The following SYNJ2 variants were observed in gnomAD, a reference collection of about 807,000 sequenced individuals.
The protein encoded by SYNJ2 is synaptojanin 2, also known as polyphosphatidylinositol phosphatase SYNJ2.
SYNJ2 carries 116 observed loss-of-function variants against 141.3 expected under a neutral mutation model. The observed-to-expected ratio is 0.82, with a 90% CI of 0.71 to 0.96. The LOEUF is 0.96. Ranked by LOEUF, SYNJ2 falls within the 40% of genes least tolerant of loss-of-function variation. The pLI is 0.00. For synonymous variants in SYNJ2, 745 were observed against 777.7 expected, an observed-to-expected ratio of 0.96 and a Z score of 0.70; for missense variants, 1,873 against 1,934.8, an observed-to-expected ratio of 0.97 and a Z score of 0.60.
At chr6:158,078,552 C>T (rs6455993) in intron 18 of SYNJ2, 133,556 of 257,880 alleles carry the variant, frequency 0.52, 35,348 homozygotes, top group African/African-American at 0.64. Flanking sequence ...ACGTATTTTG[C>T]GGCTTTTATA....
rs116410227 is a variant in SYNJ2, at chr6:157,988,415, A to G, written c.127+6327A>G. On this transcript the variant is annotated intron_variant, in intron 1 of 26. Coordinates refer to ENST00000355585, the MANE Select transcript of SYNJ2 (RefSeq NM_003898.4). ...AGAACCTATTTTATTTAACTGTTTT[A>G]CTTTGTTAGCTTGATTTAAAACTGA... Among the ~76,000 whole-genome samples the G allele has an allele frequency of 2.2e-3, 335 of 152,140 alleles. 1 individual carries two copies. The highest frequency in any genetic ancestry group is 7.5e-3 in the African/African-American group (311 of 41,506).
rs1478136022 is a variant in SYNJ2, at chr6:158,040,431, C to G, written c.712-2885C>G. Among the ~76,000 whole-genome samples the G allele has an allele frequency of 6.6e-6, 1 of 151,536 alleles. No individual in the cohort carries two copies. Among genetic ancestry groups the G allele is most frequent in the African/African-American group, 2.4e-5 (1 of 41,186 alleles). ...GCATCTCAGCCTCCTTGGGAGGAAG[C>G]CTTGAGTCTTTTTGGCTCTGCTGAG... On this transcript the variant is annotated intron_variant, in intron 4 of 26. Transcript: ENST00000355585. The surrounding 1 kb of genome is among the most constrained non-coding windows in gnomAD (Gnocchi z 4.2).
chr6:158,006,533 C>G (rs1441563011), intron 1 of SYNJ2, among the ~76,000 whole-genome samples: 1 of 152,210 alleles, frequency 6.6e-6, no homozygotes, highest in Non-Finnish European at 1.5e-5. Flanking sequence ...TCTTCTTGGT[C>G]ACTTCTCAGT....
At chr6:158,078,634 A>G (rs1294286002) in intron 18 of SYNJ2, 1 of 197,976 alleles carries the variant, frequency 5.1e-6, no homozygotes, top group Non-Finnish European at 1.0e-5. Flanking sequence ...TGTTGATGTT[A>G]TAGCTCTGGT....
At chr6:158,016,948 G>T in intron 1 of SYNJ2, 2 of 1,171,392 alleles carry the variant, frequency 1.7e-6, no homozygotes, top group Non-Finnish European at 2.1e-6. Context: ...AGAACCCCAG[G>T]ACCCCAGCTC....
chr6:158,096,684 A>C lies in SYNJ2; in HGVS notation c.*320A>C. The C allele has an allele frequency of 4.6e-6, 1 of 219,414 alleles. No homozygotes were observed. The highest frequency in any genetic ancestry group is 1.1e-4 in the South Asian group (1 of 9,396). 13.6% of individuals were successfully genotyped at this position (219,414 alleles called of 1,614,324 possible). On this transcript the variant is annotated 3_prime_UTR_variant, in exon 27 of 27. Transcript: ENST00000355585. ...AGAAGTTCTCACCCATTGAATTTTT[A>C]AATGGCTGTTCAGTTCATGTTGTAC...
intron 1 of SYNJ2, among the ~76,000 whole-genome samples, chr6:157,984,963 A>G (rs1777146107): frequency 6.6e-6 from 1 of 152,148 alleles, no homozygotes; most frequent in African/African-American, 2.4e-5. Context: ...GAGTCATTCT[A>G]ACTTCCATCC....
intron 25 of SYNJ2, among the ~76,000 whole-genome samples, chr6:158,092,068 G>A (rs531710348): frequency 6.6e-6 from 1 of 151,826 alleles, no homozygotes; most frequent in African/African-American, 2.4e-5. Flanking sequence ...CACTTAGAAA[G>A]GGTGAATTTC....
At chr6:158,041,368 G>A (rs934592117) in intron 4 of SYNJ2, among the ~76,000 whole-genome samples, 4 of 152,312 alleles carry the variant, frequency 2.6e-5, no homozygotes, top group East Asian at 1.9e-4. Flanking sequence ...AAAGTTGTTC[G>A]CCCAGAATGG....
intron 2 of SYNJ2, among the ~76,000 whole-genome samples, chr6:158,018,469 T>C (rs1365145453): frequency 6.6e-6 from 1 of 152,174 alleles, no homozygotes. Flanking sequence ...ACACCTCCCT[T>C]CCCTGCTCAC....
intron 1 of SYNJ2, among the ~76,000 whole-genome samples, chr6:157,985,488 T>C (rs928510543): frequency 6.6e-6 from 1 of 152,362 alleles, no homozygotes; most frequent in Admixed American, 6.5e-5. Flanking sequence ...TGGAGGGTAG[T>C]TGGCCTTCTC....
rs1037686526 is a variant in SYNJ2, at chr6:158,084,622, T to C, written c.3208+448T>C. ...GAGTTCAAGACCAGCCTGGCCAACATGGTGAAACCCTGTCTCTACTAAAAA... is the reference window on the plus strand; with the variant it reads ...GAGTTCAAGACCAGCCTGGCCAACACGGTGAAACCCTGTCTCTACTAAAAA... On this transcript the variant is annotated intron_variant, in intron 22 of 26. Coordinates refer to ENST00000355585, the MANE Select transcript of SYNJ2 (RefSeq NM_003898.4). This position sits in a 1 kb window ranked among gnomAD's most constrained non-coding sequence, Gnocchi z 5.0. Among the ~76,000 whole-genome samples, 4 of 152,012 alleles carry C rather than the reference T, an allele frequency of 2.6e-5. No individual in the cohort carries two copies.
chr6:157,991,336 C>T (rs1383559470), intron 1 of SYNJ2, among the ~76,000 whole-genome samples: 2 of 152,232 alleles, frequency 1.3e-5, no homozygotes, highest in Non-Finnish European at 2.9e-5. Context: ...CCTGGAGATT[C>T]TTGTGGCAAA....
At chr6:158,004,928 GC>G (rs1777996953) in intron 1 of SYNJ2, among the ~76,000 whole-genome samples, 1 of 151,738 alleles carries the variant, frequency 6.6e-6, no homozygotes, top group South Asian at 2.1e-4. Flanking sequence ...GAGGACCTTC[GC>G]CCCCTCTCCT....
chr6:158,018,503 G>C (rs992536522), intron 2 of SYNJ2, among the ~76,000 whole-genome samples: 1 of 152,204 alleles, frequency 6.6e-6, no homozygotes, highest in Non-Finnish European at 1.5e-5. Flanking sequence ...AGAGACTGAG[G>C]ATGTTTAAAG....
intron 7 of SYNJ2, among the ~76,000 whole-genome samples, chr6:158,059,711 C>G (rs1781093648): frequency 6.6e-6 from 1 of 152,122 alleles, no homozygotes; most frequent in Non-Finnish European, 1.5e-5. Context: ...CTTGCCACCA[C>G]GCCTGGCTAA....
intron 2 of SYNJ2, among the ~76,000 whole-genome samples, chr6:158,025,235 T>C (rs1260112176): frequency 6.6e-6 from 1 of 152,186 alleles, no homozygotes; most frequent in Non-Finnish European, 1.5e-5. Context: ...ACCCCATTCA[T>C]GAGGGCTCCA....
chr6:158,076,875 AC>A, intron 17 of SYNJ2, 93 bp downstream of exon 17: 1 of 1,422,356 alleles, frequency 7.0e-7, no homozygotes. Context: ...AGGCGCTGCT[AC>A]ATAAATCAGT....
Position 158,077,965 on chromosome 6 carries a change from TA to T in SYNJ2, c.2450-197del. ...CAGGCATGGTCATGACTGTTTTGAATAATTATATGCGAGGAATGTTTTTAAC... is the reference window on the plus strand; with the variant it reads ...CAGGCATGGTCATGACTGTTTTGAATATTATATGCGAGGAATGTTTTTAAC... On this transcript the variant is annotated intron_variant, in intron 17 of 26. Coordinates refer to ENST00000355585, the MANE Select transcript of SYNJ2 (RefSeq NM_003898.4). The T allele has an allele frequency of 1.2e-5, 6 of 485,458 alleles. 1 individual carries two copies. In the South Asian group the frequency reaches 1.4e-4, roughly 11 times the overall value. The allele number at this position is 485,458 out of a possible 1,614,324, so 30.1% of individuals were successfully genotyped here.
Sources: allele counts gnomAD v4.1 joint callset (sites outside exome capture counted in the v4.1 genomes callset), GRCh38; gene constraint gnomAD v4.1.1; non-coding constraint Gnocchi (gnomAD v3.1); transcripts MANE v1.5; gene names NCBI Gene and HGNC (gene_info 2026-07-23, HGNC 2026-07-21).